CCSER1: variants seen among roughly 807,000 people sequenced by gnomAD.
The protein encoded by CCSER1 is serine-rich coiled-coil domain-containing protein 1.
CCSER1 carries 41 observed loss-of-function variants against 82.0 expected under a neutral mutation model. The ratio of observed to expected loss-of-function variants is 0.50; its 90% CI spans 0.39 to 0.65. CCSER1 has a LOEUF of 0.65. CCSER1 is among the 30% of genes least tolerant of loss of function. The pLI is 0.00. For synonymous variants in CCSER1, 414 were observed against 383.9 expected, an observed-to-expected ratio of 1.08 and a Z score of -0.92; for missense variants, 1,119 against 1,064.2, an observed-to-expected ratio of 1.05 and a Z score of -0.72.
At chr4:90,708,810 T>C (rs576948516) in intron 6 of CCSER1, among the ~76,000 whole-genome samples, 29 of 152,294 alleles carry the variant, frequency 1.9e-4, no homozygotes, top group South Asian at 1.9e-3. Context: ...AGTTAACGAA[T>C]TGGTAAATCA....
chr4:90,654,993 AT>A (rs1162825996), intron 6 of CCSER1, among the ~76,000 whole-genome samples: 1 of 152,076 alleles, frequency 6.6e-6, no homozygotes, highest in African/African-American at 2.4e-5. Context: ...TATTTTGCAT[AT>A]TTAAATTTAG....
In CCSER1 at chr4:90,817,161, T is replaced by C. The variant is rs1190198447; in HGVS notation, c.2094+1316T>C. On this transcript the variant is annotated intron_variant, in intron 8 of 10. Transcript: ENST00000509176. ...CCTCTAGGTACATATTATCTAATAATGCTTTTTTACGTTGCATACAAAAAT... is the reference window on the plus strand; with the variant it reads ...CCTCTAGGTACATATTATCTAATAACGCTTTTTTACGTTGCATACAAAAAT... 3.3e-5 allele frequency among the ~76,000 whole-genome samples: 5 copies of C among 152,150 alleles called. No individual in the cohort carries two copies. The East Asian group carries it at 9.6e-4, about 29-fold the overall frequency.
chr4:90,335,222 C>T (rs780272804), intron 3 of CCSER1, among the ~76,000 whole-genome samples: 2 of 152,136 alleles, frequency 1.3e-5, no homozygotes, highest in Admixed American at 6.5e-5. Flanking sequence ...AATTAAAATA[C>T]GTCATGGCAA....
intron 10 of CCSER1, among the ~76,000 whole-genome samples, chr4:91,233,040 G>A (rs181517821): frequency 9.2e-4 from 140 of 151,822 alleles, no homozygotes; most frequent in African/African-American, 2.7e-3. Flanking sequence ...TGAGGGGATT[G>A]GAGAGATCAT....
chr4:91,546,071 ATGAT>A (rs139302004), intron 10 of CCSER1, among the ~76,000 whole-genome samples: 5,339 of 152,158 alleles, frequency 0.035, 191 homozygotes, highest in South Asian at 0.16. Context: ...GCCTGCTGGT[ATGAT>A]TGATTATCTG....
chr4:90,967,801 C>T (rs1202307024), intron 9 of CCSER1, among the ~76,000 whole-genome samples: 1 of 151,972 alleles, frequency 6.6e-6, no homozygotes, highest in Non-Finnish European at 1.5e-5. Context: ...TATTTTTTCA[C>T]AATCTCCCAT....
intron 1 of CCSER1, among the ~76,000 whole-genome samples, chr4:90,276,255 C>CTTTGTTTCT (rs1560929917): frequency 2.8e-4 from 15 of 52,842 alleles, no homozygotes; most frequent in African/African-American, 1.1e-3. Context: ...TCTTTCTTTC[C>CTTTGTTTCT]TTCCTTCCTT....
chr4:91,114,509 TGA>T (rs1466896506), intron 10 of CCSER1, among the ~76,000 whole-genome samples: 1 of 152,082 alleles, frequency 6.6e-6, no homozygotes, highest in East Asian at 1.9e-4. Flanking sequence ...ACCCAGAACT[TGA>T]GGAGAGGTAT....
At chr4:90,783,613 C>T (rs1186580771) in intron 7 of CCSER1, among the ~76,000 whole-genome samples, 1 of 152,148 alleles carries the variant, frequency 6.6e-6, no homozygotes, top group East Asian at 1.9e-4. Context: ...AAGTAACCAT[C>T]TGAAATATGC....
chr4:91,127,707 C>G (rs529911904), intron 10 of CCSER1, among the ~76,000 whole-genome samples: 21 of 152,148 alleles, frequency 1.4e-4, no homozygotes, highest in Admixed American at 3.3e-4. Context: ...TTTTCCAACT[C>G]AGAATGTTTC....
intron 1 of CCSER1, among the ~76,000 whole-genome samples, chr4:90,191,259 G>A (rs759240961): frequency 1.3e-5 from 2 of 151,730 alleles, no homozygotes; most frequent in East Asian, 1.9e-4. Flanking sequence ...CCTGTGTTTC[G>A]GGCCATTTCA....
intron 7 of CCSER1, among the ~76,000 whole-genome samples, chr4:90,809,910 C>T (rs1444090149): frequency 7.0e-6 from 1 of 142,996 alleles, no homozygotes; most frequent in Non-Finnish European, 1.5e-5. Flanking sequence ...TGAATAAGAA[C>T]TATACATTCT....
intron 5 of CCSER1, among the ~76,000 whole-genome samples, chr4:90,502,860 C>T (rs1770121395): frequency 6.6e-6 from 1 of 152,130 alleles, no homozygotes; most frequent in African/African-American, 2.4e-5. Context: ...AAACTTCTGG[C>T]TTTTAAGCCA....
intron 5 of CCSER1, among the ~76,000 whole-genome samples, chr4:90,499,162 G>A (rs1003951683): frequency 1.3e-5 from 2 of 151,686 alleles, no homozygotes; most frequent in African/African-American, 4.8e-5. Flanking sequence ...GTATTTGTAT[G>A]TGACATTTTA....
At chr4:91,279,413 T>C (rs1742739296) in intron 10 of CCSER1, among the ~76,000 whole-genome samples, 1 of 152,144 alleles carries the variant, frequency 6.6e-6, no homozygotes, top group Non-Finnish European at 1.5e-5. Context: ...CCTATATGTC[T>C]CATAGATTTT....
chr4:90,586,884 C>G (rs1782082117), intron 5 of CCSER1, among the ~76,000 whole-genome samples: 1 of 152,172 alleles, frequency 6.6e-6, no homozygotes, highest in Non-Finnish European at 1.5e-5. Context: ...TCTTCTCTAA[C>G]TGTGAATATG....
chr4:91,159,975 G>A (rs1560478204), intron 10 of CCSER1, among the ~76,000 whole-genome samples: 1 of 151,812 alleles, frequency 6.6e-6, no homozygotes, highest in Admixed American at 6.6e-5. Flanking sequence ...GTATACATGT[G>A]CCATGTTGGT....
intron 3 of CCSER1, among the ~76,000 whole-genome samples, chr4:90,355,679 A>G (rs1458185489): frequency 1.3e-5 from 2 of 151,998 alleles, no homozygotes; most frequent in African/African-American, 4.8e-5. Flanking sequence ...GAATATGAAC[A>G]GGTCTATTAC....
intron 4 of CCSER1, among the ~76,000 whole-genome samples, chr4:90,442,438 G>A (rs1028800613): frequency 1.4e-4 from 21 of 152,142 alleles, no homozygotes; most frequent in Admixed American, 3.9e-4. Flanking sequence ...TTAAACTTAC[G>A]GCAACAGGGA....
Sources: gnomAD v4.1 joint callset for allele counts (sites outside exome capture counted in the v4.1 genomes callset) on GRCh38, gnomAD v4.1.1 for gene constraint, MANE v1.5 for transcripts, NCBI Gene and HGNC (gene_info 2026-07-23, HGNC 2026-07-21) for gene names.